Variants in ADGRB1 observed in about 807,000 individuals in gnomAD.
ADGRB1 encodes brain-specific angiogenesis inhibitor 1.
In ADGRB1, 36 loss-of-function variants were observed where a neutral mutation model predicts 175.7. The observed-to-expected ratio is 0.20, with a 90% CI of 0.16 to 0.27. The LOEUF is 0.27. ADGRB1 is among the 10% of genes least tolerant of loss of function. The probability of loss-of-function intolerance (pLI) is 1.00; values close to 1 mark genes in which losing one functional copy is unlikely to be tolerated. For synonymous variants in ADGRB1, 1,054 were observed against 979.4 expected (o/e 1.08, Z -1.42); for missense variants, 1,731 against 2,255.3 (o/e 0.77, Z 4.71).
chr8:142,534,438 C>T (rs913648986), intron 25 of ADGRB1, among the ~76,000 whole-genome samples: 3 of 152,182 alleles, frequency 2.0e-5, no homozygotes, highest in African/African-American at 2.4e-5. Context: ...ATGGGGATGC[C>T]GCCTGGAAAC....
intron 21 of ADGRB1, 146 bp from the exon 22 acceptor site, chr8:142,522,495 G>A (rs189425551): frequency 1.2e-6 from 1 of 801,168 alleles, no homozygotes; most frequent in Admixed American, 3.2e-5. Context: ...TTCACCTCCT[G>A]CCCCATCTCT....
Position 142,544,425 on chromosome 8 carries a change from G to A in ADGRB1, c.*8G>A, listed in dbSNP as rs771951763. 3.4e-6 allele frequency: 5 copies of A among 1,468,354 alleles called. No individual in the cohort carries two copies. The highest frequency in any genetic ancestry group is 4.5e-6 in the Non-Finnish European group (5 of 1,108,758). 91.0% of individuals were successfully genotyped at this position (1,468,354 alleles called of 1,614,324 possible). On this transcript the variant is annotated 3_prime_UTR_variant, in exon 31 of 31. Transcript: ENST00000517894. Reference sequence around the variant, plus strand: ...CTCCAGACCGAGGTCTGAGCGGGTGGGCGGCGGCCACGCACTGGGCCACGG... The same window carrying A: ...CTCCAGACCGAGGTCTGAGCGGGTGAGCGGCGGCCACGCACTGGGCCACGG...
At chr8:142,463,706 A>C (rs1404746329) in intron 1 of ADGRB1, among the ~76,000 whole-genome samples, 1 of 152,246 alleles carries the variant, frequency 6.6e-6, no homozygotes, top group Non-Finnish European at 1.5e-5. Context: ...GTGGACTGCC[A>C]GCCCCTCCCT....
Position 142,477,156 on chromosome 8 carries a change from C to G in ADGRB1, c.1100C>G (p.Ser367Cys). 6.3e-7 allele frequency: 1 copy of G among 1,593,282 alleles called. No homozygotes were observed. Among genetic ancestry groups the G allele is most frequent in the Non-Finnish European group, 8.5e-7 (1 of 1,177,128 alleles). ...AEEWSPWSVC[S>C]STCGEGWQTR... ...GAGTGGTCCCCGTGGAGCGTGTGCT[C>G]CAGCACCTGCGGCGAGGGCTGGCAG... The change falls in exon 5 of 31, where the codon TCC (serine) becomes TGC (cysteine). Residue 367 changes from serine to cysteine, a missense_variant. Coordinates refer to ENST00000517894, the MANE Select transcript of ADGRB1 (RefSeq NM_001702.3).
chr8:142,544,187 C>T, intron 30 of ADGRB1, 33 bp from the exon 31 acceptor site: 1 of 1,545,934 alleles, frequency 6.5e-7, no homozygotes, highest in South Asian at 1.2e-5. Flanking sequence ...CCCTCCGGGC[C>T]CCACCCCTCC....
intron 6 of ADGRB1, 150 bp from the exon 7 acceptor site, chr8:142,478,037 T>C (rs1239743681): frequency 9.8e-7 from 1 of 1,016,448 alleles, no homozygotes; most frequent in East Asian, 2.6e-5. Context: ...TGTCACAGGC[T>C]GGCCGTGGGT....
rs564374762 is a variant in ADGRB1 at position 142,482,628 on chromosome 8, A to G, written c.2130+917A>G. Among the ~76,000 whole-genome samples, 5 of 150,774 alleles carry G rather than the reference A, an allele frequency of 3.3e-5. No homozygotes were observed. The South Asian group carries it at 8.4e-4, about 25-fold the overall frequency. On this transcript the variant is annotated intron_variant, in intron 11 of 30. Transcript: ENST00000517894. ...CATGCTGAACCCTGACCCTCGTCACATGCTGAGTCCTGATCCTGGTCACAC... is the reference window on the plus strand; with the variant it reads ...CATGCTGAACCCTGACCCTCGTCACGTGCTGAGTCCTGATCCTGGTCACAC...
In ADGRB1 at chr8:142,529,068, C is replaced by G. The variant is rs1017604265; in HGVS notation, c.3398+2441C>G. 3.9e-5 allele frequency among the ~76,000 whole-genome samples: 6 copies of G among 152,236 alleles called. No homozygotes were observed. In the South Asian group the frequency reaches 1.2e-3, roughly 31 times the overall value. ...GAGCCCAGGATGGCTGATGCCTGGG[C>G]AGGGGTCTGCACCCATGACACCCCC... On this transcript the variant is annotated intron_variant, in intron 24 of 30. Coordinates refer to ENST00000517894, the MANE Select transcript of ADGRB1 (RefSeq NM_001702.3).
intron 9 of ADGRB1, among the ~76,000 whole-genome samples, chr8:142,480,444 G>A (rs1841272234): frequency 6.6e-6 from 1 of 152,066 alleles, no homozygotes; most frequent in African/African-American, 2.4e-5. Context: ...ACGGTGGCAG[G>A]GGCCCTGTGT....
In ADGRB1 at chr8:142,501,898, TGTG is replaced by T. The variant is rs544515666; in HGVS notation, c.2676-9027_2676-9025del. 1.4e-3 allele frequency among the ~76,000 whole-genome samples: 58 copies of T among 40,358 alleles called. 1 individual carries two copies. Among genetic ancestry groups the T allele is most frequent in the Middle Eastern group, 0.024 (1 of 42 alleles). 26.5% of individuals were successfully genotyped at this position (40,358 alleles called of 152,430 possible). Reference sequence around the variant, plus strand: ...GTGGTGGTGGTGATGGTGAGGGTGATGTGGTGGTGATGGTGGTGGCGGTGATGG... The same window carrying T: ...GTGGTGGTGGTGATGGTGAGGGTGATGTGGTGATGGTGGTGGCGGTGATGG... On this transcript the variant is annotated intron_variant, in intron 17 of 30. Transcript: ENST00000517894.
chr8:142,512,115 T>C (rs986561808), intron 18 of ADGRB1, among the ~76,000 whole-genome samples: 1 of 152,214 alleles, frequency 6.6e-6, no homozygotes, highest in Non-Finnish European at 1.5e-5. Context: ...GATGGGACCC[T>C]CCAGGCCATT....
chr8:142,462,631 C>T (rs1840029994), intron 1 of ADGRB1, among the ~76,000 whole-genome samples: 1 of 152,248 alleles, frequency 6.6e-6, no homozygotes, highest in Non-Finnish European at 1.5e-5. Context: ...TCTTGCCAGC[C>T]AGCTGGGCCT....
At chr8:142,450,789 TA>T (rs1839302425) in intron 1 of ADGRB1, among the ~76,000 whole-genome samples, 1 of 152,062 alleles carries the variant, frequency 6.6e-6, no homozygotes, top group Non-Finnish European at 1.5e-5. Context: ...GGCGGAGGGC[TA>T]TTTTTGCGCC....
At position 142,484,512 on chromosome 8, in the gene ADGRB1, G is replaced by A. The variant is rs532894834; in HGVS notation, c.2200-144G>A. On this transcript the variant is annotated intron_variant, in intron 12 of 30. Coordinates refer to ENST00000517894, the MANE Select transcript of ADGRB1 (RefSeq NM_001702.3). ...GCATCTGCTTTCTCATCCCCAAAGT[G>A]GGGTACTCAGAGGTCACCAGCCCCA... 125 of 780,436 alleles carry A rather than the reference G, an allele frequency of 1.6e-4. No individual in the cohort carries two copies. The African/African-American group carries it at 1.8e-3, about 11-fold the overall frequency. 48.3% of individuals were successfully genotyped at this position (780,436 alleles called of 1,614,324 possible).
intron 9 of ADGRB1, among the ~76,000 whole-genome samples, chr8:142,480,416 T>C (rs2131819484): frequency 1.3e-5 from 2 of 152,268 alleles, no homozygotes; most frequent in South Asian, 4.1e-4. Context: ...TCAGAGCTGC[T>C]GTGGGGAGGT....
rs369399814 is a variant in ADGRB1 at position 142,515,941 on chromosome 8, G to GCGCT, written c.2818-2196_2818-2193dup. Reference sequence around the variant, plus strand: ...GTAGTTTGGACAACAGAGGTGAGCAGCGCTACCTGGGGTAGTTCGAGGGGC... The same window carrying GCGCT: ...GTAGTTTGGACAACAGAGGTGAGCAGCGCTCGCTACCTGGGGTAGTTCGAGGGGC... On this transcript the variant is annotated intron_variant, in intron 18 of 30. Coordinates refer to ENST00000517894, the MANE Select transcript of ADGRB1 (RefSeq NM_001702.3). Among the ~76,000 whole-genome samples, 465 of 152,358 alleles carry GCGCT rather than the reference G, an allele frequency of 3.1e-3. 3 individuals are homozygous for GCGCT. Among genetic ancestry groups the GCGCT allele is most frequent in the African/African-American group, 0.011 (440 of 41,578 alleles).
intron 2 of ADGRB1, among the ~76,000 whole-genome samples, chr8:142,469,139 A>G (rs1480822074): frequency 7.4e-6 from 1 of 135,240 alleles, no homozygotes; most frequent in Non-Finnish European, 1.6e-5. Context: ...GCGTGTGTGC[A>G]TGTGTGTGCA....
intron 24 of ADGRB1, among the ~76,000 whole-genome samples, chr8:142,531,829 A>G (rs1245492686): frequency 6.6e-6 from 1 of 152,148 alleles, no homozygotes; most frequent in Admixed American, 6.5e-5. Flanking sequence ...GGAGGAAGAG[A>G]GTCCAGGAGG....
At chr8:142,494,870 G>T (rs1357176790) in intron 17 of ADGRB1, among the ~76,000 whole-genome samples, 1 of 151,860 alleles carries the variant, frequency 6.6e-6, no homozygotes, top group African/African-American at 2.4e-5. Context: ...GAGGAAAATG[G>T]GGAGCAAAGC....
Sources: gnomAD v4.1 joint callset for allele counts (sites outside exome capture counted in the v4.1 genomes callset) on GRCh38, gnomAD v4.1.1 for gene constraint, MANE v1.5 for transcripts, NCBI Gene and HGNC (gene_info 2026-07-23, HGNC 2026-07-21) for gene names.